CCSER1: variants seen among roughly 807,000 people sequenced by gnomAD.
CCSER1 encodes the protein coiled-coil serine rich protein 1, also known as serine-rich coiled-coil domain-containing protein 1.
In CCSER1, 41 loss-of-function variants were observed where a neutral mutation model predicts 82.0. The ratio of observed to expected loss-of-function variants is 0.50; its 90% CI spans 0.39 to 0.65. CCSER1 has a LOEUF of 0.65. CCSER1 is among the 30% of genes least tolerant of loss of function. CCSER1 has a pLI of 0.00. For missense variants in CCSER1, 1,119 were observed against 1,064.2 expected, an observed-to-expected ratio of 1.05 and a Z score of -0.72; for synonymous variants, 414 against 383.9, an observed-to-expected ratio of 1.08 and a Z score of -0.92.
At chr4:91,047,186 C>T (rs1742582257) in intron 9 of CCSER1, among the ~76,000 whole-genome samples, 1 of 139,554 alleles carries the variant, frequency 7.2e-6, no homozygotes, top group African/African-American at 3.3e-5. Flanking sequence ...AGTGAGCTGA[C>T]TTACTTTTCA....
At chr4:90,439,057 G>T (rs1759476434) in intron 4 of CCSER1, among the ~76,000 whole-genome samples, 1 of 152,132 alleles carries the variant, frequency 6.6e-6, no homozygotes, top group Non-Finnish European at 1.5e-5. Context: ...ACTTTGGGAG[G>T]CTGAGGCAGG....
At chr4:91,059,307 C>CGT (rs1743733227) in intron 9 of CCSER1, among the ~76,000 whole-genome samples, 1 of 79,256 alleles carries the variant, frequency 1.3e-5, no homozygotes, top group African/African-American at 4.8e-5. Flanking sequence ...TATATATATA[C>CGT]GTGTATATAT....
chr4:90,573,396 A>C (rs532779496), intron 5 of CCSER1, among the ~76,000 whole-genome samples: 1 of 152,264 alleles, frequency 6.6e-6, no homozygotes, highest in East Asian at 1.9e-4. Context: ...GCTGGGTTTT[A>C]TTGTGGTAGG....
At chr4:91,160,377 G>A (rs1731263867) in intron 10 of CCSER1, among the ~76,000 whole-genome samples, 2 of 152,150 alleles carry the variant, frequency 1.3e-5, no homozygotes, top group Admixed American at 1.3e-4. Flanking sequence ...TGTCTTTATA[G>A]TACCATGATT....
intron 1 of CCSER1, among the ~76,000 whole-genome samples, chr4:90,183,589 G>T (rs1163471250): frequency 6.6e-6 from 1 of 152,088 alleles, no homozygotes; most frequent in African/African-American, 2.4e-5. Context: ...ATGTGATAGT[G>T]GAACAAATAA....
rs1434115251 is a variant in CCSER1 at position 90,628,054 on chromosome 4, T to C, written c.1754T>C (p.Val585Ala). The change falls in exon 6 of 11, where the codon GTT becomes GCT. Residue 585 changes from valine to alanine, a missense_variant. Coordinates refer to ENST00000509176, the MANE Select transcript of CCSER1 (RefSeq NM_001145065.2). Reference protein sequence around the residue: ...QNLSLKLTKDVDQEARCSHIS... With the variant: ...QNLSLKLTKDADQEARCSHIS... ...CTTTCCCTGAAATTAACAAAGGACG[T>C]TGATCAAGAAGCCAGGTGTTCCCAC... The C allele has an allele frequency of 7.4e-6, 12 of 1,613,610 alleles. No homozygotes were observed. The highest frequency in any genetic ancestry group is 1.0e-5 in the Non-Finnish European group (12 of 1,179,686).
At chr4:91,500,021 G>C (rs1759124415) in intron 10 of CCSER1, among the ~76,000 whole-genome samples, 1 of 152,058 alleles carries the variant, frequency 6.6e-6, no homozygotes, top group South Asian at 2.1e-4. Flanking sequence ...TATCGTAAGA[G>C]TATATTTAGT....
intron 4 of CCSER1, among the ~76,000 whole-genome samples, chr4:90,467,954 G>A (rs771483119): frequency 6.6e-5 from 10 of 152,096 alleles, no homozygotes; most frequent in Non-Finnish European, 1.3e-4. Flanking sequence ...TATAACTTAA[G>A]CACTTTTCAT....
chr4:91,153,079 C>G (rs908354617), intron 10 of CCSER1, among the ~76,000 whole-genome samples: 2 of 151,922 alleles, frequency 1.3e-5, no homozygotes, highest in Admixed American at 6.6e-5. Flanking sequence ...TGGGGAAGTT[C>G]TCCTGGATAA....
rs975290886 is a variant in CCSER1 at position 91,516,384 on chromosome 4, A to G, written c.2218-82188A>G. Among the ~76,000 whole-genome samples the G allele has an allele frequency of 4.6e-5, 7 of 152,142 alleles. No individual in the cohort carries two copies. In the South Asian group the frequency reaches 1.2e-3, roughly 27 times the overall value. ...TAATTCATCTTGAGTTGATTTTTGT[A>G]TACGGTTCAAGGAGGCATCTGGTTT... On this transcript the variant is annotated intron_variant, in intron 10 of 10. Transcript: ENST00000509176.
At chr4:91,362,712 A>C (rs1192777340) in intron 10 of CCSER1, among the ~76,000 whole-genome samples, 2 of 151,660 alleles carry the variant, frequency 1.3e-5, no homozygotes, top group Non-Finnish European at 3.0e-5. Context: ...CATTTTCCTC[A>C]TCTTCCTCCT....
At chr4:90,884,242 A>AT (rs1483237288) in intron 8 of CCSER1, among the ~76,000 whole-genome samples, 2 of 152,202 alleles carry the variant, frequency 1.3e-5, no homozygotes, top group Non-Finnish European at 2.9e-5. Context: ...CATGCATAAT[A>AT]TTTGGCATAT....
intron 5 of CCSER1, among the ~76,000 whole-genome samples, chr4:90,621,176 G>A (rs1722259718): frequency 6.6e-6 from 1 of 152,006 alleles, no homozygotes; most frequent in African/African-American, 2.4e-5. Flanking sequence ...AATCATTCCA[G>A]GCAATATATC....
intron 10 of CCSER1, among the ~76,000 whole-genome samples, chr4:91,479,626 T>C (rs150406751): frequency 0.02 from 3,081 of 151,588 alleles, 84 homozygotes; most frequent in African/African-American, 0.068. Flanking sequence ...TATGGTAAGA[T>C]GGAGATACTT....
intron 8 of CCSER1, among the ~76,000 whole-genome samples, chr4:90,877,366 A>G (rs1002734381): frequency 2.0e-5 from 3 of 152,198 alleles, no homozygotes; most frequent in African/African-American, 2.4e-5. Flanking sequence ...ACCTCACTTT[A>G]CCTATACATG....
chr4:91,079,681 A>T (rs80224435), intron 9 of CCSER1, among the ~76,000 whole-genome samples: 1 of 152,212 alleles, frequency 6.6e-6, no homozygotes, highest in South Asian at 2.1e-4. Flanking sequence ...CCCATCTCAC[A>T]TGCAGAGACA....
At chr4:91,374,081 A>T (rs1473644340) in intron 10 of CCSER1, among the ~76,000 whole-genome samples, 3 of 152,184 alleles carry the variant, frequency 2.0e-5, no homozygotes, top group Non-Finnish European at 4.4e-5. Flanking sequence ...CATGAGGTTT[A>T]TGAAAAGACA....
intron 10 of CCSER1, among the ~76,000 whole-genome samples, chr4:91,501,060 A>G (rs1759182160): frequency 6.6e-6 from 1 of 151,898 alleles, no homozygotes; most frequent in South Asian, 2.1e-4. Context: ...TGTTCTATTT[A>G]TATTAATATA....
At chr4:90,298,115 T>G (rs1732352616) in intron 1 of CCSER1, among the ~76,000 whole-genome samples, 1 of 152,140 alleles carries the variant, frequency 6.6e-6, no homozygotes. Flanking sequence ...TGTGAATCCA[T>G]CTGGTCCTGG....
Sources: gnomAD v4.1 joint callset for allele counts (sites outside exome capture counted in the v4.1 genomes callset) on GRCh38, gnomAD v4.1.1 for gene constraint, MANE v1.5 for transcripts, NCBI Gene and HGNC (gene_info 2026-07-23, HGNC 2026-07-21) for gene names.